The following PXDNL variants were observed in gnomAD, a reference collection of about 807,000 sequenced individuals.
PXDNL encodes peroxidasin like.
PXDNL carries 145 observed loss-of-function variants against 150.8 expected under a neutral mutation model. The observed-to-expected ratio is 0.96, with a 90% confidence interval of 0.84 to 1.10. The LOEUF is 1.10. PXDNL is among the 50% of genes least tolerant of loss of function. The pLI, the probability that PXDNL is intolerant of heterozygous loss-of-function variation, is 0.00. For synonymous variants in PXDNL, 757 were observed against 725.7 expected (o/e 1.04, Z -0.69); for missense variants, 2,087 against 1,873.9 (o/e 1.11, Z -2.10).
intron 17 of PXDNL, among the ~76,000 whole-genome samples, chr8:51,390,063 C>A (rs748879251): frequency 4.6e-5 from 7 of 151,806 alleles, no homozygotes; most frequent in African/African-American, 1.2e-4. Flanking sequence ...ATGCCCCCCC[C>A]ACCAAAAAAA....
At chr8:51,341,586 A>C (rs1236774459) in intron 20 of PXDNL, among the ~76,000 whole-genome samples, 1 of 151,848 alleles carries the variant, frequency 6.6e-6, no homozygotes, top group East Asian at 1.9e-4. Flanking sequence ...CATAAGTAAA[A>C]CTCTTTACTC....
intron 3 of PXDNL, among the ~76,000 whole-genome samples, chr8:51,575,279 A>G (rs936868906): frequency 6.6e-6 from 1 of 152,090 alleles, no homozygotes; most frequent in Admixed American, 6.6e-5. Context: ...AGATAAATCA[A>G]AGTAAAATTC....
chr8:51,692,535 G>C (rs1300794446), intron 1 of PXDNL, among the ~76,000 whole-genome samples: 1 of 152,078 alleles, frequency 6.6e-6, no homozygotes, highest in South Asian at 2.1e-4. Flanking sequence ...TGAAAATTTA[G>C]AAATAAATCA....
intron 10 of PXDNL, among the ~76,000 whole-genome samples, chr8:51,450,758 A>G (rs1339166343): frequency 1.3e-5 from 2 of 152,180 alleles, no homozygotes; most frequent in Non-Finnish European, 2.9e-5. Flanking sequence ...AAGCTGGAAA[A>G]CAGCCCACAA....
Position 51,408,900 on chromosome 8 carries a change from C to T in PXDNL, c.2724G>A (p.Gln908=). The T allele has an allele frequency of 3.7e-6, 6 of 1,608,152 alleles. No homozygotes were observed. The Admixed American group carries it at 6.7e-5, about 18-fold the overall frequency. ...GAGGCACCGAAGGGTCTCTGAGAGCCTGGGATTCCCGCTCCGAGCTCCCGT... is the reference window on the plus strand; with the variant it reads ...GAGGCACCGAAGGGTCTCTGAGAGCTTGGGATTCCCGCTCCGAGCTCCCGT... The part of the protein sequence containing the change: ...NVYGSSERES[Q]ALRDPSVPRG... Residue 908 remains glutamine, a synonymous_variant, in exon 17 of 23, where the codon CAG becomes CAA. Transcript: ENST00000356297.
intron 5 of PXDNL, among the ~76,000 whole-genome samples, chr8:51,485,918 A>G (rs1810722185): frequency 6.6e-6 from 1 of 152,242 alleles, no homozygotes; most frequent in African/African-American, 2.4e-5. Flanking sequence ...CTTAAGGAAC[A>G]CTGGAACAGA....
At chr8:51,396,291 T>C (rs1808078948) in intron 17 of PXDNL, among the ~76,000 whole-genome samples, 1 of 152,250 alleles carries the variant, frequency 6.6e-6, no homozygotes, top group South Asian at 2.1e-4. Flanking sequence ...GGCCTCTGGC[T>C]GCAGGAACCA....
chr8:51,382,503 A>G (rs1355852473), intron 17 of PXDNL, among the ~76,000 whole-genome samples: 1 of 152,222 alleles, frequency 6.6e-6, no homozygotes, highest in Non-Finnish European at 1.5e-5. Context: ...TTGCCTGCCA[A>G]AAATGAGACT....
At chr8:51,694,015 C>A (rs1253959530) in intron 1 of PXDNL, among the ~76,000 whole-genome samples, 1 of 152,182 alleles carries the variant, frequency 6.6e-6, no homozygotes, top group Non-Finnish European at 1.5e-5. Context: ...CAAAGCATCA[C>A]TCTTTTTGGG....
At chr8:51,360,631 T>A (rs549235305) in intron 19 of PXDNL, among the ~76,000 whole-genome samples, 9 of 152,344 alleles carry the variant, frequency 5.9e-5, no homozygotes, top group African/African-American at 2.2e-4. Context: ...AGCTACTTCC[T>A]TACATATTTT....
intron 2 of PXDNL, among the ~76,000 whole-genome samples, chr8:51,644,192 T>C (rs1032990092): frequency 6.8e-6 from 1 of 147,728 alleles, no homozygotes; most frequent in African/African-American, 2.5e-5. Context: ...AATAAAACAA[T>C]TATAATATTT....
At chr8:51,653,930 T>G (rs1461733762) in intron 2 of PXDNL, among the ~76,000 whole-genome samples, 2 of 152,198 alleles carry the variant, frequency 1.3e-5, no homozygotes, top group East Asian at 3.9e-4. Flanking sequence ...ATATTGAACC[T>G]CCAGTCATCA....
At chr8:51,341,005 G>C (rs140120409) in intron 20 of PXDNL, among the ~76,000 whole-genome samples, 1 of 152,246 alleles carries the variant, frequency 6.6e-6, no homozygotes, top group African/African-American at 2.4e-5. Flanking sequence ...GTGGGAACAC[G>C]GGGAAGTGGC....
chr8:51,594,452 A>C (rs1334878724), intron 2 of PXDNL, among the ~76,000 whole-genome samples: 1 of 152,202 alleles, frequency 6.6e-6, no homozygotes, highest in Non-Finnish European at 1.5e-5. Flanking sequence ...ACATACCATA[A>C]TTAGTCTTTC....
intron 4 of PXDNL, among the ~76,000 whole-genome samples, chr8:51,548,385 G>T (rs1812409269): frequency 6.6e-6 from 1 of 152,078 alleles, no homozygotes; most frequent in Admixed American, 6.6e-5. Flanking sequence ...TAGCCACATA[G>T]TTATCATGTT....
intron 6 of PXDNL, among the ~76,000 whole-genome samples, chr8:51,481,055 A>G (rs1810592981): frequency 6.6e-6 from 1 of 152,216 alleles, no homozygotes; most frequent in African/African-American, 2.4e-5. Context: ...AACAGTTTAG[A>G]GGGCTCAGAA....
At chr8:51,541,012 C>G (rs1452661563) in intron 4 of PXDNL, among the ~76,000 whole-genome samples, 1 of 151,818 alleles carries the variant, frequency 6.6e-6, no homozygotes, top group African/African-American at 2.4e-5. Context: ...ATAATCCCAG[C>G]ACTTTGGGGG....
At chr8:51,557,149 T>G (rs1812617292) in intron 3 of PXDNL, among the ~76,000 whole-genome samples, 1 of 152,096 alleles carries the variant, frequency 6.6e-6, no homozygotes, top group Non-Finnish European at 1.5e-5. Context: ...AAACATAGAG[T>G]ATTTGTGGAG....
intron 1 of PXDNL, among the ~76,000 whole-genome samples, chr8:51,684,327 C>T (rs1287986801): frequency 6.6e-6 from 1 of 152,210 alleles, no homozygotes; most frequent in Non-Finnish European, 1.5e-5. Context: ...TGTCCCAGCG[C>T]AAAGTAGTCT....
Sources: gnomAD v4.1 joint callset for allele counts (sites outside exome capture counted in the v4.1 genomes callset) on GRCh38, gnomAD v4.1.1 for gene constraint, MANE v1.5 for transcripts, NCBI Gene and HGNC (gene_info 2026-07-23, HGNC 2026-07-21) for gene names.